FER: variants seen among roughly 807,000 people sequenced by gnomAD.
FER encodes tyrosine-protein kinase Fer.
A neutral mutation model predicts 111.0 loss-of-function variants in FER; 63 were observed. That is an observed-to-expected ratio of 0.57 (90% CI 0.46 to 0.70). The LOEUF is 0.70. Ranked by LOEUF, FER falls within the 30% of genes least tolerant of loss-of-function variation. FER has a pLI of 0.00. For synonymous variants in FER, 327 were observed against 313.9 expected, an observed-to-expected ratio of 1.04 and a Z score of -0.44; for missense variants, 914 against 954.0, an observed-to-expected ratio of 0.96 and a Z score of 0.55.
intron 1 of FER, among the ~76,000 whole-genome samples, chr5:108,751,959 C>T (rs1750557027): frequency 6.6e-6 from 1 of 152,014 alleles, no homozygotes; most frequent in African/African-American, 2.4e-5. Context: ...ATCTGTTTTT[C>T]ATACTTACCT....
intron 9 of FER, among the ~76,000 whole-genome samples, chr5:108,892,599 TTC>T (rs1313272325): frequency 3.3e-5 from 5 of 152,226 alleles, no homozygotes; most frequent in Admixed American, 2.6e-4. Context: ...TGCAAAAATT[TTC>T]TCTCTTTCTG....
chr5:108,990,996 T>C (rs539011109), intron 13 of FER, among the ~76,000 whole-genome samples: 9 of 151,714 alleles, frequency 5.9e-5, no homozygotes, highest in Non-Finnish European at 1.3e-4. Context: ...TATTTGCATA[T>C]TGTGCTTCTG....
intron 13 of FER, among the ~76,000 whole-genome samples, chr5:109,015,850 G>T (rs1226070076): frequency 6.6e-6 from 1 of 151,902 alleles, no homozygotes; most frequent in African/African-American, 2.4e-5. Flanking sequence ...AGCATCGTGT[G>T]CCTTTTTCCA....
intron 17 of FER, among the ~76,000 whole-genome samples, chr5:109,131,517 C>A (rs1003133333): frequency 6.6e-6 from 1 of 151,988 alleles, no homozygotes; most frequent in African/African-American, 2.4e-5. Context: ...TTACCTTAAG[C>A]TTTCTTTATC....
At chr5:108,984,849 T>C (rs920990010) in intron 13 of FER, among the ~76,000 whole-genome samples, 1 of 152,030 alleles carries the variant, frequency 6.6e-6, no homozygotes, top group African/African-American at 2.4e-5. Context: ...TATTATACTT[T>C]TAAAATGAAT....
chr5:109,079,077 A>T (rs1367937852), intron 16 of FER, among the ~76,000 whole-genome samples: 1 of 152,190 alleles, frequency 6.6e-6, no homozygotes, highest in East Asian at 1.9e-4. Flanking sequence ...TATGGGAGAC[A>T]TTTAAAGATG....
chr5:108,768,948 C>T (rs548475516), intron 2 of FER, among the ~76,000 whole-genome samples: 1 of 152,132 alleles, frequency 6.6e-6, no homozygotes, highest in East Asian at 1.9e-4. Flanking sequence ...CCTCAGCCTC[C>T]CAAGTAGCTG....
chr5:109,100,981 G>C (rs1748160098), intron 17 of FER, among the ~76,000 whole-genome samples: 1 of 150,064 alleles, frequency 6.7e-6, no homozygotes, highest in East Asian at 1.9e-4. Context: ...ATGCTCTTTT[G>C]GACAAATTAA....
intron 17 of FER, among the ~76,000 whole-genome samples, chr5:109,177,945 C>T (rs1382719135): frequency 6.6e-6 from 1 of 152,140 alleles, no homozygotes; most frequent in East Asian, 1.9e-4. Flanking sequence ...TGTTCTCTAG[C>T]ACTTTTATGT....
intron 3 of FER, among the ~76,000 whole-genome samples, chr5:108,803,961 C>T (rs1756939516): frequency 6.6e-6 from 1 of 152,050 alleles, no homozygotes; most frequent in Admixed American, 6.5e-5. Context: ...TTCAGACCGT[C>T]CGCACAGAAT....
intron 10 of FER, among the ~76,000 whole-genome samples, chr5:108,915,489 A>G (rs1166000709): frequency 6.6e-6 from 1 of 151,896 alleles, no homozygotes; most frequent in Non-Finnish European, 1.5e-5. Context: ...ACAAATAACT[A>G]CTTTCTGAAA....
intron 17 of FER, among the ~76,000 whole-genome samples, chr5:109,111,475 G>A (rs1305493543): frequency 7.2e-5 from 11 of 152,108 alleles, no homozygotes; most frequent in South Asian, 6.2e-4. Flanking sequence ...AGTAATTGCA[G>A]TTTTTGCCAT....
chr5:108,974,142 T>C (rs1322353378), intron 13 of FER, among the ~76,000 whole-genome samples: 2 of 152,170 alleles, frequency 1.3e-5, no homozygotes, highest in Admixed American at 6.5e-5. Context: ...ATAGAAATTA[T>C]ATTAGGTACT....
chr5:108,871,957 G>T (rs1414919979), intron 7 of FER, 136 bp from the exon 8 acceptor site: 2 of 884,844 alleles, frequency 2.3e-6, no homozygotes, highest in Non-Finnish European at 3.3e-6. Flanking sequence ...CCAGGATTTA[G>T]TTTGATTTAT....
intron 14 of FER, among the ~76,000 whole-genome samples, chr5:109,041,235 A>G (rs556840993): frequency 1.3e-5 from 2 of 152,260 alleles, no homozygotes; most frequent in Non-Finnish European, 2.9e-5. Flanking sequence ...AGAGTTTTGG[A>G]TTTAATCAGA....
intron 17 of FER, among the ~76,000 whole-genome samples, chr5:109,144,606 G>A (rs1335171549): frequency 6.6e-6 from 1 of 152,028 alleles, no homozygotes; most frequent in Non-Finnish European, 1.5e-5. Flanking sequence ...GCTTGTTTTG[G>A]GGTTTTCTTT....
At chr5:108,901,128 G>C (rs1395468683) in intron 10 of FER, among the ~76,000 whole-genome samples, 1 of 143,300 alleles carries the variant, frequency 7.0e-6, no homozygotes, top group Admixed American at 6.9e-5. Context: ...TTTGGAGGAT[G>C]CAGTCTTCAG....
At chr5:108,800,903 C>G (rs1280275221) in intron 3 of FER, among the ~76,000 whole-genome samples, 4 of 152,082 alleles carry the variant, frequency 2.6e-5, no homozygotes, top group African/African-American at 9.7e-5. Context: ...AAAAATTAGC[C>G]GGGCGTGGTG....
At chr5:109,067,523 C>G (rs1775256528) in intron 16 of FER, among the ~76,000 whole-genome samples, 1 of 151,820 alleles carries the variant, frequency 6.6e-6, no homozygotes, top group Admixed American at 6.6e-5. Context: ...ATACACTGTT[C>G]TGCCCTCTTT....
Sources: gnomAD v4.1 joint callset for allele counts (sites outside exome capture counted in the v4.1 genomes callset) on GRCh38, gnomAD v4.1.1 for gene constraint, MANE v1.5 for transcripts, NCBI Gene and HGNC (gene_info 2026-07-23, HGNC 2026-07-21) for gene names.